The following EYA3 variants were observed in gnomAD, a reference collection of about 807,000 sequenced individuals.
EYA3 encodes the protein protein phosphatase EYA3.
A neutral mutation model predicts 80.0 loss-of-function variants in EYA3; 39 were observed. The observed-to-expected ratio is 0.49, with a 90% CI of 0.38 to 0.64. The LOEUF is 0.64. Ranked by LOEUF, EYA3 falls within the 30% of genes least tolerant of loss-of-function variation. The pLI, the probability that EYA3 is intolerant of heterozygous loss-of-function variation, is 0.00. For missense variants in EYA3, 523 were observed against 676.1 expected, an observed-to-expected ratio of 0.77 and a Z score of 2.51; for synonymous variants, 206 against 232.8, an observed-to-expected ratio of 0.88 and a Z score of 1.05.
intron 3 of EYA3, among the ~76,000 whole-genome samples, chr1:28,045,138 C>A (rs865779343): frequency 5.3e-5 from 8 of 152,186 alleles, no homozygotes; most frequent in South Asian, 4.2e-4. Context: ...GCTAAATCCC[C>A]AAGTAAGGTT....
At chr1:27,996,299 T>C (rs1392371633) in intron 13 of EYA3, among the ~76,000 whole-genome samples, 1 of 152,156 alleles carries the variant, frequency 6.6e-6, no homozygotes, top group Non-Finnish European at 1.5e-5. Context: ...AACAACTTGG[T>C]TCAATCAAAA....
In EYA3 at chr1:28,058,070, A is replaced by G. The variant is rs746617020; in HGVS notation, c.-44T>C. 6.6e-7 allele frequency: 1 copy of G among 1,505,394 alleles called. No individual in the cohort carries two copies. The highest frequency in any genetic ancestry group is 9.0e-7 in the Non-Finnish European group (1 of 1,107,794). The allele number at this position is 1,505,394 out of a possible 1,614,324, so 93.3% of individuals were successfully genotyped here. A position where few individuals can be genotyped will look rare whatever the true frequency, so the allele number is the denominator to read the frequency against. On this transcript the variant is annotated 5_prime_UTR_variant, in exon 2 of 18. Transcript: ENST00000373871. ...ATTATACTTATGTGACTGGATTGCA[A>G]GTCTCTCTCAGCAGTTTTCACAATC... is the stretch of plus-strand genomic sequence containing the variant.
intron 16 of EYA3, among the ~76,000 whole-genome samples, chr1:27,982,977 CA>C (rs1639412535): frequency 1.3e-5 from 2 of 152,124 alleles, no homozygotes; most frequent in Non-Finnish European, 2.9e-5. Flanking sequence ...TGTTCATGGA[CA>C]GGTTTACAGA....
chr1:28,035,645 T>G lies in EYA3; in HGVS notation c.260A>C (p.Glu87Ala). Residue 87 changes from glutamate to alanine, a missense_variant, in exon 6 of 18, where the codon GAA (glutamate) becomes GCA (alanine). Physicochemically the swap from Glu to Ala is moderately radical, Grantham distance 107. This residue lies in a region of EYA3 where 304 missense variants were observed against 343.3 expected (regional missense o/e 0.89). Coordinates refer to ENST00000373871, the MANE Select transcript of EYA3 (RefSeq NM_001990.4). ...TTGAGTCTGTCCAGGGTAAGCAGTT[T>G]CCGAAACAGGAACTGAGAGAATATG... The part of the protein sequence containing the change: ...YAHILSVPVS[E>A]TAYPGQTQYQ... 6.2e-7 allele frequency: 1 copy of G among 1,614,094 alleles called. No homozygotes were observed. Among genetic ancestry groups the G allele is most frequent in the Admixed American group, 1.7e-5 (1 of 60,016 alleles).
chr1:28,066,864 T>C (rs1316202445), intron 1 of EYA3, among the ~76,000 whole-genome samples: 1 of 152,126 alleles, frequency 6.6e-6, no homozygotes, highest in African/African-American at 2.4e-5. Context: ...GACTAACTCA[T>C]AAACCTGTCA....
chr1:27,988,643 T>G lies in EYA3; in HGVS notation c.1432A>C (p.Asn478His), dbSNP rs1462601576. Residue 478 changes from asparagine (N) to histidine (H), a missense_variant, in exon 16 of 18, where the codon AAT (asparagine) becomes CAT (histidine). Transcript: ENST00000373871. ...AGCTGGGTGGTAGTGATCAGAACAT[T>G]CACACAATTCTTTCTATAAGGGAGT... The part of the protein sequence containing the change: ...LLIQSRKNCV[N>H]VLITTTQLVP... The G allele has an allele frequency of 6.2e-7, 1 of 1,613,844 alleles. No homozygotes were observed. Among genetic ancestry groups the G allele is most frequent in the South Asian group, 1.1e-5 (1 of 91,032 alleles).
chr1:27,978,957 G>A (rs1470172208), intron 16 of EYA3, among the ~76,000 whole-genome samples: 1 of 152,176 alleles, frequency 6.6e-6, no homozygotes, highest in Non-Finnish European at 1.5e-5. Flanking sequence ...AGCGAACTCT[G>A]TCTCAAAACA....
intron 1 of EYA3, among the ~76,000 whole-genome samples, chr1:28,070,032 C>T (rs1644967401): frequency 6.6e-6 from 1 of 152,140 alleles, no homozygotes; most frequent in Non-Finnish European, 1.5e-5. Context: ...CCTGCCAACA[C>T]CCTGATTTCA....
chr1:28,042,503 A>C (rs771893796), intron 4 of EYA3, 68 bp downstream of exon 4: 310 of 1,412,948 alleles, frequency 2.2e-4, no homozygotes, highest in Non-Finnish European at 2.8e-4. Flanking sequence ...CGAAAAACCA[A>C]CTCTATAAGA....
chr1:27,999,503 A>C (rs1042597140), intron 12 of EYA3, among the ~76,000 whole-genome samples: 2 of 152,246 alleles, frequency 1.3e-5, no homozygotes, highest in African/African-American at 4.8e-5. Flanking sequence ...TGTATAAAAT[A>C]TGATGGGTTA....
chr1:27,986,999 G>A (rs1013800063), intron 16 of EYA3, among the ~76,000 whole-genome samples: 1 of 152,128 alleles, frequency 6.6e-6, no homozygotes, highest in Non-Finnish European at 1.5e-5. Context: ...ACTGTACCCG[G>A]CCTCTTAACA....
At chr1:28,084,585 ATATATATATATTTTTTTTTTTTTTTTTT>A (rs1229302950) in intron 1 of EYA3, among the ~76,000 whole-genome samples, 20 of 17,132 alleles carry the variant, frequency 1.2e-3, no homozygotes, top group African/African-American at 1.7e-3. Context: ...ATATATATAT[ATATATATATATTTTTTTTTTTTTTTTTT>A]TTTTTTTTTT....
chr1:28,077,101 A>T (rs538086538), intron 1 of EYA3, among the ~76,000 whole-genome samples: 1 of 146,576 alleles, frequency 6.8e-6, no homozygotes, highest in Non-Finnish European at 1.5e-5. Flanking sequence ...TTTACAAAAC[A>T]ATCTTTTTTT....
At chr1:28,029,688 C>T (rs180833007) in intron 6 of EYA3, among the ~76,000 whole-genome samples, 292 of 151,796 alleles carry the variant, frequency 1.9e-3, no homozygotes, top group African/African-American at 6.2e-3. Flanking sequence ...CTCCTCCTCC[C>T]GGGTTCAAGC....
intron 16 of EYA3, among the ~76,000 whole-genome samples, chr1:27,984,063 C>T (rs1363871949): frequency 6.6e-6 from 1 of 152,140 alleles, no homozygotes; most frequent in African/African-American, 2.4e-5. Context: ...AGGTCTCCTT[C>T]TGTTGCCCAG....
At chr1:28,059,983 T>G (rs1205933207) in intron 1 of EYA3, among the ~76,000 whole-genome samples, 1 of 152,184 alleles carries the variant, frequency 6.6e-6, no homozygotes, top group African/African-American at 2.4e-5. Flanking sequence ...CCTCCCAAAG[T>G]GCTGGGATTA....
At chr1:28,022,102 C>T (rs1168920429) in intron 7 of EYA3, among the ~76,000 whole-genome samples, 4 of 152,174 alleles carry the variant, frequency 2.6e-5, no homozygotes, top group African/African-American at 4.8e-5. Flanking sequence ...GCAAGCACTG[C>T]TCCACACAAG....
At chr1:28,051,013 C>T (rs1374964371) in intron 2 of EYA3, among the ~76,000 whole-genome samples, 1 of 152,106 alleles carries the variant, frequency 6.6e-6, no homozygotes, top group Non-Finnish European at 1.5e-5. Context: ...CAAGTAGCAA[C>T]CAGTCCTACA....
rs556014216 is a variant in EYA3, at chr1:27,992,463, C to T, written c.1303+937G>A. On this transcript the variant is annotated intron_variant, in intron 14 of 17. Transcript: ENST00000373871. ...TCAGGCAGTAATACTCACTTGCCGG[C>T]CTGCTCACTTCCTGCTATGTGGCTG... 2.0e-5 allele frequency among the ~76,000 whole-genome samples: 3 copies of T among 152,286 alleles called. No homozygotes were observed. In the East Asian group the frequency reaches 5.8e-4, roughly 29 times the overall value.
Sources: allele counts gnomAD v4.1 joint callset (sites outside exome capture counted in the v4.1 genomes callset), GRCh38; gene constraint gnomAD v4.1.1; regional missense constraint gnomAD v4.1.1; transcripts MANE v1.5; gene names NCBI Gene and HGNC (gene_info 2026-07-23, HGNC 2026-07-21).